The following CPLANE1 variants were observed in gnomAD, a reference collection of about 807,000 sequenced individuals.
CPLANE1 encodes ciliogenesis and planar polarity effector 1.
A neutral mutation model predicts 362.5 loss-of-function variants in CPLANE1; 263 were observed. That is an observed-to-expected ratio of 0.73 (90% CI 0.66 to 0.80). The LOEUF is 0.80. Ranked by LOEUF, CPLANE1 falls within the 30% of genes least tolerant of loss-of-function variation. The probability of loss-of-function intolerance (pLI) is 0.00; values close to 1 mark genes in which losing one functional copy is unlikely to be tolerated. For missense variants in CPLANE1, 3,461 were observed against 3,793.4 expected (o/e 0.91, Z 2.30); for synonymous variants, 1,212 against 1,302.6 (o/e 0.93, Z 1.50).
intron 41 of CPLANE1, among the ~76,000 whole-genome samples, chr5:37,155,756 C>G (rs779202145): frequency 3.3e-5 from 5 of 152,206 alleles, no homozygotes; most frequent in African/African-American, 1.2e-4. Context: ...TGAAATTAAT[C>G]TGTAGCTTAT....
rs1246732410 is a variant in CPLANE1 at position 37,244,527 on chromosome 5, G to T, written c.418C>A (p.Leu140Ile). Residue 140 changes from leucine (L) to isoleucine (I), a missense_variant, in exon 5 of 53, where the codon CTT (leucine) becomes ATT (isoleucine). Leu to Ile is a conservative substitution (Grantham distance 5). Transcript: ENST00000651892. The part of the protein sequence containing the change: ...VLITPSGCIF[L>I]WEYLELKNIL... ...TTCTTTAATTCCAAATATTCCCAAA[G>T]AAATATGCATCCAGAAGGTGTTATG... The T allele has an allele frequency of 1.3e-6, 2 of 1,551,654 alleles. No individual in the cohort carries two copies. The highest frequency in any genetic ancestry group is 1.7e-6 in the Non-Finnish European group (2 of 1,146,988).
intron 16 of CPLANE1, chr5:37,211,969 T>G: frequency 1.1e-6 from 1 of 903,296 alleles, no homozygotes; most frequent in Non-Finnish European, 1.9e-6. Context: ...CACCCAAGTG[T>G]AGATCAGAAA....
Position 37,108,381 on chromosome 5 carries a change from T to C in CPLANE1, c.9491A>G (p.Tyr3164Cys), listed in dbSNP as rs1758145339. 6 of 1,614,190 alleles carry C rather than the reference T, an allele frequency of 3.7e-6. No individual in the cohort carries two copies. Among genetic ancestry groups the C allele is most frequent in the South Asian group, 2.2e-5 (2 of 91,088 alleles). Reference sequence around the variant, plus strand: ...ACTCACCACAGTCTCCTCTCTTTCATACTCTACACACACCTGCTTGGTTTG... The same window carrying C: ...ACTCACCACAGTCTCCTCTCTTTCACACTCTACACACACCTGCTTGGTTTG... Reference protein sequence around the residue: ...APQTKQVCVEYEREETVVSPW... With the variant: ...APQTKQVCVECEREETVVSPW... The change falls in exon 52 of 53, where the codon TAT becomes TGT. Residue 3164 changes from tyrosine to cysteine, a missense_variant. By Grantham distance (194) the Tyr-to-Cys change is radical. Around this residue, in one of 2 missense-constraint regions of CPLANE1, gnomAD observed 81 missense variants for 127.3 expected, o/e 0.64. Transcript: ENST00000651892.
At chr5:37,172,710 G>T (rs1240063270) in intron 32 of CPLANE1, among the ~76,000 whole-genome samples, 2 of 152,204 alleles carry the variant, frequency 1.3e-5, no homozygotes, top group Middle Eastern at 3.2e-3. Context: ...GTGCAGCTGG[G>T]CACAGCGGCT....
At chr5:37,201,467 G>A (rs997903815) in intron 19 of CPLANE1, 124 bp downstream of exon 19, 2 of 709,530 alleles carry the variant, frequency 2.8e-6, no homozygotes, top group Non-Finnish European at 4.6e-6. Context: ...CAGCAAAGCT[G>A]GGATCTATAC....
chr5:37,231,771 ATTTAT>A (rs1174801711), intron 8 of CPLANE1, among the ~76,000 whole-genome samples: 3 of 151,876 alleles, frequency 2.0e-5, no homozygotes, highest in Admixed American at 6.6e-5. Flanking sequence ...TGATTTTTTA[ATTTAT>A]TTTATTTTTA....
chr5:37,210,597 T>A, intron 16 of CPLANE1: 1 of 1,593,372 alleles, frequency 6.3e-7, no homozygotes, highest in Non-Finnish European at 8.6e-7. Context: ...TGAATTAGAG[T>A]CTGTCAAAGC....
chr5:37,172,959 G>A (rs1432492176), intron 32 of CPLANE1, among the ~76,000 whole-genome samples: 3 of 152,050 alleles, frequency 2.0e-5, no homozygotes, highest in Non-Finnish European at 2.9e-5. Flanking sequence ...ACTCCAGCCT[G>A]GGCAACAGAG....
At chr5:37,208,103 C>T (rs1470209346) in intron 16 of CPLANE1, among the ~76,000 whole-genome samples, 1 of 152,296 alleles carries the variant, frequency 6.6e-6, no homozygotes, top group East Asian at 1.9e-4. Context: ...GTACATGTCA[C>T]CATGGCGGGC....
At chr5:37,249,126 G>A (rs1740879453) in intron 1 of CPLANE1, 119 bp downstream of exon 1, 1 of 153,046 alleles carries the variant, frequency 6.5e-6, no homozygotes, top group African/African-American at 2.4e-5. Context: ...CGGCCCGGGA[G>A]GCGGAAGGTC....
chr5:37,233,895 G>A (rs925348586), intron 8 of CPLANE1, among the ~76,000 whole-genome samples: 2 of 152,094 alleles, frequency 1.3e-5, no homozygotes, highest in African/African-American at 2.4e-5. Flanking sequence ...TGTTGTCCAA[G>A]TCCCTAACAA....
chr5:37,247,848 A>G lies in CPLANE1; in HGVS notation c.-47-103T>C, dbSNP rs952084353. On this transcript the variant is annotated intron_variant, in intron 1 of 52. Transcript: ENST00000651892. ...AGTTTCGTTCTGTTGCCCCAGCTGG[A>G]GTGCAGTGATATGATCTCAGCTCAC... 15 of 815,762 alleles carry G rather than the reference A, an allele frequency of 1.8e-5. No individual in the cohort carries two copies. The Middle Eastern group carries it at 1.6e-3, about 85-fold the overall frequency. 50.5% of individuals were successfully genotyped at this position (815,762 alleles called of 1,614,324 possible). A position where few individuals can be genotyped will look rare whatever the true frequency, so the allele number is the denominator to read the frequency against.
At chr5:37,184,696 G>C in intron 25 of CPLANE1, 92 bp downstream of exon 25, 1 of 1,016,010 alleles carries the variant, frequency 9.8e-7, no homozygotes. Context: ...CAATCAGTGA[G>C]GGTTGCTGGG....
chr5:37,161,624 A>G (rs923637659), intron 38 of CPLANE1, among the ~76,000 whole-genome samples: 15 of 152,218 alleles, frequency 9.9e-5, no homozygotes, highest in African/African-American at 3.6e-4. Context: ...GGAGGATTAA[A>G]CTAAACTCTC....
chr5:37,220,116 G>A (rs1006480537), intron 15 of CPLANE1, among the ~76,000 whole-genome samples: 2 of 152,088 alleles, frequency 1.3e-5, no homozygotes, highest in African/African-American at 4.8e-5. Context: ...GCTGGGTGTG[G>A]TGGCACACAC....
chr5:37,187,384 G>A (rs368128567), intron 23 of CPLANE1, 30 bp downstream of exon 23: 2 of 1,546,912 alleles, frequency 1.3e-6, no homozygotes, highest in Admixed American at 2.0e-5. Flanking sequence ...TGATTCTGAT[G>A]TAGTTTACTT....
At chr5:37,247,051 A>G (rs552551822) in intron 2 of CPLANE1, among the ~76,000 whole-genome samples, 1 of 152,340 alleles carries the variant, frequency 6.6e-6, no homozygotes, top group East Asian at 1.9e-4. Context: ...GTTACAGGGG[A>G]GTTAGTGGTA....
At chr5:37,087,517 C>T in the CPLANE1 span, among the ~76,000 whole-genome samples, 10 of 152,172 alleles carry the variant, frequency 6.6e-5, no homozygotes, top group East Asian at 1.9e-4. Context: ...AGTGCAGTGG[C>T]GCGATCTCGG....
chr5:37,125,921 C>A (rs1394232135), intron 46 of CPLANE1, among the ~76,000 whole-genome samples: 1 of 152,158 alleles, frequency 6.6e-6, no homozygotes, highest in Non-Finnish European at 1.5e-5. Context: ...TTATTCCCTG[C>A]ACTATCTCTA....
Sources: allele counts gnomAD v4.1 joint callset (sites outside exome capture counted in the v4.1 genomes callset), GRCh38; gene constraint gnomAD v4.1.1; regional missense constraint gnomAD v4.1.1; transcripts MANE v1.5; gene names NCBI Gene and HGNC (gene_info 2026-07-23, HGNC 2026-07-21).